Variants in MAGI2 observed in about 807,000 individuals in gnomAD.
The protein encoded by MAGI2 is membrane-associated guanylate kinase, WW and PDZ domain-containing protein 2.
Under a neutral mutation model 133.3 loss-of-function variants are expected in MAGI2, and 35 were observed. The observed-to-expected ratio is 0.26, with a 90% CI of 0.20 to 0.35. MAGI2 has a LOEUF of 0.35. MAGI2 is among the 10% of genes least tolerant of loss of function. The pLI is 1.00. For missense variants in MAGI2, 1,636 were observed against 1,863.4 expected, an observed-to-expected ratio of 0.88 and a Z score of 2.25; for synonymous variants, 729 against 710.6, an observed-to-expected ratio of 1.03 and a Z score of -0.41.
At chr7:78,825,536 G>T (rs183499015) in intron 2 of MAGI2, among the ~76,000 whole-genome samples, 1 of 152,008 alleles carries the variant, frequency 6.6e-6, no homozygotes. Context: ...ACTATTTAAT[G>T]GGCACTTTAT....
In MAGI2 at chr7:78,789,043, A is replaced by G. The variant is rs202218786; in HGVS notation, c.419-161804T>C. 2.0e-5 allele frequency among the ~76,000 whole-genome samples: 3 copies of G among 152,022 alleles called. No individual in the cohort carries two copies. The East Asian group carries it at 5.8e-4, about 29-fold the overall frequency. ...ATTTCCCTGCACATTCTTCTTCTCAACCCTTTGTGGGTTTCCTTACTAATA... is the reference window on the plus strand; with the variant it reads ...ATTTCCCTGCACATTCTTCTTCTCAGCCCTTTGTGGGTTTCCTTACTAATA... On this transcript the variant is annotated intron_variant, in intron 2 of 21. Coordinates refer to ENST00000354212, the MANE Select transcript of MAGI2 (RefSeq NM_012301.4).
intron 2 of MAGI2, among the ~76,000 whole-genome samples, chr7:78,904,684 G>A (rs1382789297): frequency 6.6e-6 from 1 of 152,024 alleles, no homozygotes; most frequent in African/African-American, 2.4e-5. Flanking sequence ...TGTATTTTTA[G>A]TCGAGACCGG....
chr7:78,321,458 T>TA (rs1281545750), intron 9 of MAGI2, among the ~76,000 whole-genome samples: 1 of 151,980 alleles, frequency 6.6e-6, no homozygotes, highest in Non-Finnish European at 1.5e-5. Flanking sequence ...GCCTCAGAAA[T>TA]AACACCACAT....
At chr7:79,339,467 T>G (rs2129098572) in intron 1 of MAGI2, among the ~76,000 whole-genome samples, 1 of 107,888 alleles carries the variant, frequency 9.3e-6, no homozygotes, top group East Asian at 4.3e-4. Flanking sequence ...TGTTTTTGTT[T>G]TTTTTTTTTT....
rs541370567 is a variant in MAGI2 at position 78,904,502 on chromosome 7, G to A, written c.418+102588C>T. On this transcript the variant is annotated intron_variant, in intron 2 of 21. Transcript: ENST00000354212. ...ACTTGTGGTTAACACTGCATGCATAGCATACTAAATAATAACGCAGTTCTT... is the reference window on the plus strand; with the variant it reads ...ACTTGTGGTTAACACTGCATGCATAACATACTAAATAATAACGCAGTTCTT... Among the ~76,000 whole-genome samples, 6 of 150,820 alleles carry A rather than the reference G, an allele frequency of 4.0e-5. No homozygotes were observed. The East Asian group carries it at 1.2e-3, about 30-fold the overall frequency.
chr7:79,359,615 C>G (rs768942069), intron 1 of MAGI2, among the ~76,000 whole-genome samples: 1 of 149,718 alleles, frequency 6.7e-6, no homozygotes, highest in African/African-American at 2.5e-5. Flanking sequence ...CATTATGGGA[C>G]GGAAAAGCCA....
Position 78,552,245 on chromosome 7 carries a change from G to A in MAGI2, c.539-30600C>T, listed in dbSNP as rs189125134. 9.2e-5 allele frequency among the ~76,000 whole-genome samples: 13 copies of A among 141,552 alleles called. 1 individual carries two copies. Among genetic ancestry groups the A allele is most frequent in the African/African-American group, 2.7e-4 (10 of 37,708 alleles). 92.9% of individuals were successfully genotyped at this position (141,552 alleles called of 152,430 possible). A position where few individuals can be genotyped will look rare whatever the true frequency, so the allele number is the denominator to read the frequency against. On this transcript the variant is annotated intron_variant, in intron 3 of 21. Transcript: ENST00000354212. ...CTTGCCCAGGCTGGAGTACAATGGCGCGATCTCAGCTCACCGCAACCTCCA... is the reference window on the plus strand; with the variant it reads ...CTTGCCCAGGCTGGAGTACAATGGCACGATCTCAGCTCACCGCAACCTCCA...
intron 1 of MAGI2, among the ~76,000 whole-genome samples, chr7:79,251,253 A>C (rs1833238880): frequency 6.6e-6 from 1 of 152,152 alleles, no homozygotes. Context: ...CATCAAGTAA[A>C]AAAGGTCCTG....
intron 1 of MAGI2, among the ~76,000 whole-genome samples, chr7:79,227,318 T>G (rs1289124451): frequency 6.6e-6 from 1 of 152,292 alleles, no homozygotes; most frequent in Admixed American, 6.5e-5. Flanking sequence ...TAATGTAAAT[T>G]CTCTCCATGC....
At chr7:78,845,039 G>T (rs1304772314) in intron 2 of MAGI2, among the ~76,000 whole-genome samples, 1 of 151,820 alleles carries the variant, frequency 6.6e-6, no homozygotes, top group Non-Finnish European at 1.5e-5. Context: ...AAAGGAGCTT[G>T]GTAGATTATT....
At chr7:79,133,326 T>C (rs1163968567) in intron 1 of MAGI2, among the ~76,000 whole-genome samples, 1 of 152,188 alleles carries the variant, frequency 6.6e-6, no homozygotes, top group East Asian at 1.9e-4. Context: ...GACTTTTTTT[T>C]ATAAGGTAAG....
At chr7:78,868,312 G>A (rs1436105650) in intron 2 of MAGI2, among the ~76,000 whole-genome samples, 2 of 152,122 alleles carry the variant, frequency 1.3e-5, no homozygotes, top group African/African-American at 4.8e-5. Flanking sequence ...AATTCTATTT[G>A]TTGTTACACT....
At chr7:78,791,845 G>A (rs866693056) in intron 2 of MAGI2, among the ~76,000 whole-genome samples, 12 of 152,134 alleles carry the variant, frequency 7.9e-5, no homozygotes, top group African/African-American at 2.7e-4. Flanking sequence ...CCATTGTGCC[G>A]GGTCAAGAAA....
At chr7:78,810,835 A>G (rs1012124694) in intron 2 of MAGI2, among the ~76,000 whole-genome samples, 1 of 152,106 alleles carries the variant, frequency 6.6e-6, no homozygotes, top group Non-Finnish European at 1.5e-5. Flanking sequence ...AGTGAAAAAT[A>G]AATAATTATT....
At chr7:79,241,345 A>T (rs1350973154) in intron 1 of MAGI2, among the ~76,000 whole-genome samples, 2 of 152,226 alleles carry the variant, frequency 1.3e-5, no homozygotes, top group Non-Finnish European at 2.9e-5. Flanking sequence ...CCACCTTTAT[A>T]AAGATTATAA....
intron 1 of MAGI2, among the ~76,000 whole-genome samples, chr7:79,339,296 T>G (rs1357846588): frequency 6.6e-6 from 1 of 152,088 alleles, no homozygotes; most frequent in East Asian, 1.9e-4. Flanking sequence ...ATTTACTGTT[T>G]TGTACTGTTA....
intron 1 of MAGI2, among the ~76,000 whole-genome samples, chr7:79,214,399 CTCTCTCTCTATA>C (rs1360238349): frequency 3.4e-3 from 247 of 72,018 alleles, no homozygotes; most frequent in Non-Finnish European, 4.3e-3. Flanking sequence ...CTCTCTCTCT[CTCTCTCTCTATA>C]TATATATATA....
chr7:78,972,707 A>G (rs1765461382), intron 2 of MAGI2, among the ~76,000 whole-genome samples: 1 of 151,964 alleles, frequency 6.6e-6, no homozygotes, highest in South Asian at 2.1e-4. Flanking sequence ...ATTTTGTTAT[A>G]AAAAACCAAG....
At chr7:78,845,331 C>T (rs1792499083) in intron 2 of MAGI2, among the ~76,000 whole-genome samples, 1 of 151,896 alleles carries the variant, frequency 6.6e-6, no homozygotes, top group South Asian at 2.1e-4. Flanking sequence ...ATAAACTGCT[C>T]TCCCTTGCCA....
Sources: gnomAD v4.1 joint callset for allele counts (sites outside exome capture counted in the v4.1 genomes callset) on GRCh38, gnomAD v4.1.1 for gene constraint, MANE v1.5 for transcripts, NCBI Gene and HGNC (gene_info 2026-07-23, HGNC 2026-07-21) for gene names.